The following BBS9 variants were observed in gnomAD, a reference collection of about 807,000 sequenced individuals.
The protein encoded by BBS9 is Bardet-Biedl syndrome 9, also known as protein PTHB1.
A neutral mutation model predicts 117.7 loss-of-function variants in BBS9; 89 were observed. That is an observed-to-expected ratio of 0.76 (90% CI 0.64 to 0.90). The LOEUF (loss-of-function observed/expected upper bound fraction) is 0.90, where lower values mean the gene tolerates loss of function less well. Ranked by LOEUF, BBS9 falls within the 40% of genes least tolerant of loss-of-function variation. The pLI is 0.00. For missense variants in BBS9, 982 were observed against 1,042.2 expected (o/e 0.94, Z 0.80); for synonymous variants, 379 against 370.9 (o/e 1.02, Z -0.25).
intron 19 of BBS9, among the ~76,000 whole-genome samples, chr7:33,495,151 TCA>T (rs1844542029): frequency 6.6e-6 from 1 of 152,230 alleles, no homozygotes; most frequent in Non-Finnish European, 1.5e-5. Context: ...TGTGAAAATG[TCA>T]CTTTCACCTC....
chr7:33,219,506 CTG>C (rs1789787292), intron 5 of BBS9, among the ~76,000 whole-genome samples: 1 of 152,192 alleles, frequency 6.6e-6, no homozygotes, highest in Non-Finnish European at 1.5e-5. Context: ...AATCGGCACT[CTG>C]TATCTAGCTC....
At chr7:33,290,136 G>A (rs1175073089) in intron 9 of BBS9, among the ~76,000 whole-genome samples, 1 of 151,992 alleles carries the variant, frequency 6.6e-6, no homozygotes, top group Non-Finnish European at 1.5e-5. Context: ...ATAACTTAAA[G>A]CATTTAGGAA....
At chr7:33,336,210 A>G (rs981346184) in intron 9 of BBS9, among the ~76,000 whole-genome samples, 24 of 152,332 alleles carry the variant, frequency 1.6e-4, no homozygotes, top group Admixed American at 1.0e-3. Context: ...AGCTATTATA[A>G]TAATTAAGCT....
At position 33,405,912 on chromosome 7, in the gene BBS9, T is replaced by C. The variant is rs539990356; in HGVS notation, c.2115+17768T>C. Reference sequence around the variant, plus strand: ...CTTTTGAATGTGTTTGCTATTGCTTTTCTAGTTCTTTTAATTGTGATATTA... The same window carrying C: ...CTTTTGAATGTGTTTGCTATTGCTTCTCTAGTTCTTTTAATTGTGATATTA... On this transcript the variant is annotated intron_variant, in intron 19 of 22. Coordinates refer to ENST00000242067, the MANE Select transcript of BBS9 (RefSeq NM_198428.3). Among the ~76,000 whole-genome samples the C allele has an allele frequency of 8.4e-4, 127 of 152,060 alleles. No homozygotes were observed. In the East Asian group the frequency reaches 0.024, roughly 28 times the overall value.
chr7:33,336,688 G>T, intron 10 of BBS9, 66 bp downstream of exon 10: 1 of 1,132,306 alleles, frequency 8.8e-7, no homozygotes, highest in Non-Finnish European at 1.3e-6. Flanking sequence ...CTTGTAGATA[G>T]ATATTATTTT....
chr7:33,540,691 T>C lies in BBS9; in HGVS notation c.2521+6515T>C, dbSNP rs6959776. Among the ~76,000 whole-genome samples the C allele has an allele frequency of 9.7e-3, 1,480 of 152,304 alleles. 25 individuals are homozygous for C. Among genetic ancestry groups the C allele is most frequent in the African/African-American group, 0.034 (1,403 of 41,570 alleles). ...CTAATTCATAAGTCAGGAAAATTAA[T>C]TTTTTTCAAAAGGAAGTTATTAAAA... On this transcript the variant is annotated intron_variant, in intron 21 of 22. Transcript: ENST00000242067.
intron 15 of BBS9, among the ~76,000 whole-genome samples, chr7:33,353,277 G>C (rs982980044): frequency 6.6e-6 from 1 of 152,140 alleles, no homozygotes; most frequent in African/African-American, 2.4e-5. Context: ...TCCTCCAAGA[G>C]ATTCACCTCT....
intron 9 of BBS9, among the ~76,000 whole-genome samples, chr7:33,324,012 A>G (rs765440712): frequency 1.1e-4 from 17 of 151,206 alleles, no homozygotes; most frequent in Non-Finnish European, 2.2e-4. Context: ...TAATTTTTGT[A>G]TTTTTAGTAG....
intron 19 of BBS9, among the ~76,000 whole-genome samples, chr7:33,499,680 C>T (rs1451969918): frequency 6.6e-6 from 1 of 152,110 alleles, no homozygotes; most frequent in African/African-American, 2.4e-5. Flanking sequence ...GGTCAGATTG[C>T]TTGTATATGA....
At chr7:33,582,885 G>A (rs1215837078) in intron 21 of BBS9, among the ~76,000 whole-genome samples, 3 of 152,100 alleles carry the variant, frequency 2.0e-5, no homozygotes, top group Non-Finnish European at 4.4e-5. Context: ...GTTTGTGGGA[G>A]CTCCATACCA....
intron 9 of BBS9, among the ~76,000 whole-genome samples, chr7:33,308,739 A>G (rs1808547511): frequency 6.6e-6 from 1 of 152,216 alleles, no homozygotes; most frequent in South Asian, 2.1e-4. Flanking sequence ...AACCCACATC[A>G]GTACTTTATG....
intron 5 of BBS9, among the ~76,000 whole-genome samples, chr7:33,199,582 C>A (rs1039626962): frequency 6.6e-6 from 1 of 151,336 alleles, no homozygotes; most frequent in Non-Finnish European, 1.5e-5. Context: ...GGCTTTTCAG[C>A]AATCTATTTT....
intron 21 of BBS9, among the ~76,000 whole-genome samples, chr7:33,632,402 G>A (rs73316326): frequency 2.0e-5 from 3 of 152,156 alleles, no homozygotes; most frequent in Admixed American, 2.0e-4. Context: ...TCTTCTGTTT[G>A]TACAATGAGC....
At chr7:33,167,296 T>C (rs1199667419) in intron 4 of BBS9, among the ~76,000 whole-genome samples, 1 of 149,210 alleles carries the variant, frequency 6.7e-6, no homozygotes, top group Non-Finnish European at 1.5e-5. Context: ...CTGTCTGGTT[T>C]AGCATAAAAA....
chr7:33,448,589 A>G (rs1191221710), intron 19 of BBS9, among the ~76,000 whole-genome samples: 1 of 152,238 alleles, frequency 6.6e-6, no homozygotes, highest in Non-Finnish European at 1.5e-5. Context: ...AATTGGCCCA[A>G]TACCTGTAAT....
intron 5 of BBS9, among the ~76,000 whole-genome samples, chr7:33,245,768 T>C (rs1290896433): frequency 5.3e-5 from 8 of 151,964 alleles, no homozygotes; most frequent in Admixed American, 5.2e-4. Flanking sequence ...AGCACTAACA[T>C]ATAAGAGACT....
rs1803894046 is a variant in BBS9, at chr7:33,290,788, T to A, written c.1016+16832T>A. 4.6e-5 allele frequency among the ~76,000 whole-genome samples: 7 copies of A among 152,334 alleles called. 1 individual carries two copies. The South Asian group carries it at 1.4e-3, about 32-fold the overall frequency. On this transcript the variant is annotated intron_variant, in intron 9 of 22. Coordinates refer to ENST00000242067, the MANE Select transcript of BBS9 (RefSeq NM_198428.3). Reference sequence around the variant, plus strand: ...AATTAAACATAGAGATTTCTTTATGTATCATTGAAATGAATTACTTTTTAA... The same window carrying A: ...AATTAAACATAGAGATTTCTTTATGAATCATTGAAATGAATTACTTTTTAA...
intron 18 of BBS9, among the ~76,000 whole-genome samples, chr7:33,384,698 C>CTGTG (rs762610167): frequency 7.6e-5 from 11 of 144,696 alleles, no homozygotes; most frequent in South Asian, 4.5e-4. Context: ...GTGCATGTGT[C>CTGTG]TGTGTGTGTG....
intron 5 of BBS9, among the ~76,000 whole-genome samples, chr7:33,242,668 T>A (rs1043581292): frequency 1.3e-5 from 2 of 152,188 alleles, no homozygotes; most frequent in Non-Finnish European, 2.9e-5. Context: ...TACTTATTGT[T>A]TGATTTTATT....
Sources: gnomAD v4.1 joint callset for allele counts (sites outside exome capture counted in the v4.1 genomes callset) on GRCh38, gnomAD v4.1.1 for gene constraint, MANE v1.5 for transcripts, NCBI Gene and HGNC (gene_info 2026-07-23, HGNC 2026-07-21) for gene names.